ACVR1C: variants seen among roughly 807,000 people sequenced by gnomAD.
ACVR1C encodes the protein activin receptor type-1C.
Under a neutral mutation model 57.9 loss-of-function variants are expected in ACVR1C, and 23 were observed. The observed-to-expected ratio is 0.40, with a 90% CI of 0.29 to 0.56. The LOEUF (loss-of-function observed/expected upper bound fraction) is 0.56, where lower values mean the gene tolerates loss of function less well. Among genes scored for constraint, ACVR1C ranks in the 20% least tolerant of loss-of-function variants. The pLI, the probability that ACVR1C is intolerant of heterozygous loss-of-function variation, is 0.50. For missense variants in ACVR1C, 480 were observed against 607.9 expected (o/e 0.79, Z 2.21); for synonymous variants, 214 against 215.3 (o/e 0.99, Z 0.05).
chr2:157,620,204 G>A (rs970123210), intron 1 of ACVR1C, among the ~76,000 whole-genome samples: 4 of 151,996 alleles, frequency 2.6e-5, no homozygotes, highest in African/African-American at 7.2e-5. Flanking sequence ...ATTCTATAAG[G>A]AATCTTCTGC....
chr2:157,628,767 A>C lies in ACVR1C; in HGVS notation c.-123T>G. ...GGAGCGCGGCACCGACACCCTTTTG[A>C]AGTGCGCGGTTGGCTCTAGTCAGTG... On this transcript the variant is annotated 5_prime_UTR_variant, in exon 1 of 9. Coordinates refer to ENST00000243349, the MANE Select transcript of ACVR1C (RefSeq NM_145259.3). 1.2e-6 allele frequency: 1 copy of C among 841,696 alleles called. No homozygotes were observed. The allele number at this position is 841,696 out of a possible 1,614,324, so 52.1% of individuals were successfully genotyped here. A position where few individuals can be genotyped will look rare whatever the true frequency, so the allele number is the denominator to read the frequency against.
chr2:157,539,651 T>C (rs192306028), intron 7 of ACVR1C, among the ~76,000 whole-genome samples: 6 of 152,348 alleles, frequency 3.9e-5, no homozygotes, highest in Non-Finnish European at 7.3e-5. Flanking sequence ...TTACAGGTTT[T>C]AACTAATCAG....
At chr2:157,564,134 G>T (rs544549612) in intron 2 of ACVR1C, among the ~76,000 whole-genome samples, 42 of 152,292 alleles carry the variant, frequency 2.8e-4, no homozygotes, top group African/African-American at 9.9e-4. Context: ...ATTAAACTAA[G>T]AGCTTCTGCA....
At chr2:157,534,371 T>C (rs1218347161) in intron 8 of ACVR1C, among the ~76,000 whole-genome samples, 3 of 152,144 alleles carry the variant, frequency 2.0e-5, no homozygotes, top group African/African-American at 7.2e-5. Flanking sequence ...ATAAGAAGAT[T>C]AGGGTCAAAC....
chr2:157,604,284 C>A (rs915672973), intron 1 of ACVR1C, among the ~76,000 whole-genome samples: 2 of 152,014 alleles, frequency 1.3e-5, no homozygotes, highest in African/African-American at 4.8e-5. Flanking sequence ...CATTTTCTCT[C>A]TCTGTCCCAA....
intron 1 of ACVR1C, among the ~76,000 whole-genome samples, chr2:157,617,502 A>G (rs1573958573): frequency 6.6e-6 from 1 of 152,192 alleles, no homozygotes; most frequent in South Asian, 2.1e-4. Flanking sequence ...TTGAGGAATA[A>G]CTGGGTAGAG....
intron 2 of ACVR1C, 22 bp downstream of exon 2, chr2:157,587,165 T>G (rs1261087535): frequency 1.9e-6 from 3 of 1,565,510 alleles, no homozygotes; most frequent in Admixed American, 1.7e-5. Context: ...AAATTCGGAA[T>G]GAACAAAGAT....
chr2:157,603,375 C>A (rs1474686247), intron 1 of ACVR1C, among the ~76,000 whole-genome samples: 3 of 152,164 alleles, frequency 2.0e-5, no homozygotes, highest in African/African-American at 7.2e-5. Flanking sequence ...CCACTATGTG[C>A]ATGGCACTGT....
intron 1 of ACVR1C, among the ~76,000 whole-genome samples, chr2:157,613,427 G>T (rs1439726282): frequency 6.6e-6 from 1 of 151,502 alleles, no homozygotes; most frequent in African/African-American, 2.4e-5. Context: ...TATTTTTATT[G>T]TTGTATTGTT....
intron 1 of ACVR1C, chr2:157,597,587 C>A (rs1385869993): frequency 7.1e-6 from 7 of 985,128 alleles, no homozygotes; most frequent in Non-Finnish European, 8.4e-6. Context: ...CCGACGGCTT[C>A]CCGGCGCACC....
At position 157,556,079 on chromosome 2, in the gene ACVR1C, C is replaced by T. The variant is rs1379330933; in HGVS notation, c.544+14G>A. 6.2e-7 allele frequency: 1 copy of T among 1,601,000 alleles called. No homozygotes were observed. Among genetic ancestry groups the T allele is most frequent in the Non-Finnish European group, 8.5e-7 (1 of 1,174,492 alleles). Reference sequence around the variant, plus strand: ...TGTTTTCTTATTTTAAAAAAATGGACAATGGTAACATACCAGAGCCAGATC... The same window carrying T: ...TGTTTTCTTATTTTAAAAAAATGGATAATGGTAACATACCAGAGCCAGATC... On this transcript the variant is annotated intron_variant, in intron 3 of 8. Coordinates refer to ENST00000243349, the MANE Select transcript of ACVR1C (RefSeq NM_145259.3).
chr2:157,583,571 A>G (rs1688840150), intron 2 of ACVR1C, among the ~76,000 whole-genome samples: 1 of 152,222 alleles, frequency 6.6e-6, no homozygotes. Context: ...AGGCAAATCA[A>G]TTTGGAAAAA....
At chr2:157,591,825 G>A (rs1689058707) in intron 1 of ACVR1C, among the ~76,000 whole-genome samples, 3 of 151,974 alleles carry the variant, frequency 2.0e-5, no homozygotes, top group Admixed American at 2.0e-4. Context: ...GGAGTTAGTT[G>A]TCACTATCTC....
intron 6 of ACVR1C, among the ~76,000 whole-genome samples, chr2:157,542,378 C>T (rs928139767): frequency 3.9e-5 from 6 of 152,106 alleles, no homozygotes; most frequent in Admixed American, 2.0e-4. Context: ...GGAGGAGCTA[C>T]ATACTGCTGA....
At position 157,628,660 on chromosome 2, in the gene ACVR1C, G is replaced by A. The variant is rs764904363; in HGVS notation, c.-16C>T. The A allele has an allele frequency of 4.5e-6, 7 of 1,555,902 alleles. No individual in the cohort carries two copies. In the South Asian group the frequency reaches 5.9e-5, roughly 13 times the overall value. ...CCCGGGTCATCGCCACCAGGCGGCCGCGCCGGGGCTGCGAGGCCCCAGAGC... is the reference window on the plus strand; with the variant it reads ...CCCGGGTCATCGCCACCAGGCGGCCACGCCGGGGCTGCGAGGCCCCAGAGC... On this transcript the variant is annotated 5_prime_UTR_variant, in exon 1 of 9. Coordinates refer to ENST00000243349, the MANE Select transcript of ACVR1C (RefSeq NM_145259.3).
intron 6 of ACVR1C, 112 bp from the exon 7 acceptor site, chr2:157,541,326 C>T: frequency 9.5e-7 from 1 of 1,051,086 alleles, no homozygotes; most frequent in Non-Finnish European, 1.3e-6. Flanking sequence ...ATTTGAAGCA[C>T]TATAATAGAA....
intron 1 of ACVR1C, among the ~76,000 whole-genome samples, chr2:157,587,704 C>T (rs1221712259): frequency 6.6e-6 from 1 of 151,976 alleles, no homozygotes; most frequent in Non-Finnish European, 1.5e-5. Context: ...ATATTAAGTT[C>T]AACCAGCTCA....
chr2:157,628,111 C>G (rs1329416101), intron 1 of ACVR1C, among the ~76,000 whole-genome samples: 1 of 152,118 alleles, frequency 6.6e-6, no homozygotes, highest in Non-Finnish European at 1.5e-5. Context: ...GACTAAATCA[C>G]CACCTCCCAC....
chr2:157,562,283 G>T (rs1688252438), intron 2 of ACVR1C, among the ~76,000 whole-genome samples: 1 of 126,200 alleles, frequency 7.9e-6, no homozygotes, highest in African/African-American at 3.2e-5. Context: ...GACAGAGCAA[G>T]ACACCGTCTC....
Sources: allele counts gnomAD v4.1 joint callset (sites outside exome capture counted in the v4.1 genomes callset), GRCh38; gene constraint gnomAD v4.1.1; transcripts MANE v1.5; gene names NCBI Gene and HGNC (gene_info 2026-07-23, HGNC 2026-07-21).